CNTNAP5: variants seen among roughly 807,000 people sequenced by gnomAD.
CNTNAP5 encodes contactin-associated protein-like 5.
CNTNAP5 carries 72 observed loss-of-function variants against 150.2 expected under a neutral mutation model. The ratio of observed to expected loss-of-function variants is 0.48; its 90% CI spans 0.40 to 0.58. The LOEUF is 0.58. Ranked by LOEUF, CNTNAP5 falls within the 20% of genes least tolerant of loss-of-function variation. CNTNAP5 has a pLI of 0.00. For missense variants in CNTNAP5, 1,636 were observed against 1,626.2 expected, an observed-to-expected ratio of 1.01 and a Z score of -0.10; for synonymous variants, 672 against 619.8, an observed-to-expected ratio of 1.08 and a Z score of -1.25.
chr2:124,883,520 T>C (rs950383769), intron 21 of CNTNAP5, among the ~76,000 whole-genome samples: 10 of 152,100 alleles, frequency 6.6e-5, no homozygotes, highest in Non-Finnish European at 7.4e-5. Context: ...AGCTAAGCTT[T>C]CAGAGTTTAA....
At chr2:124,212,163 C>T (rs867317921) in intron 1 of CNTNAP5, among the ~76,000 whole-genome samples, 3 of 152,152 alleles carry the variant, frequency 2.0e-5, no homozygotes, top group Non-Finnish European at 2.9e-5. Context: ...AATATAAAGA[C>T]ATCATCTCTA....
intron 1 of CNTNAP5, among the ~76,000 whole-genome samples, chr2:124,044,524 A>G (rs973661289): frequency 6.6e-6 from 1 of 152,218 alleles, no homozygotes; most frequent in African/African-American, 2.4e-5. Flanking sequence ...CTGGTCTTAG[A>G]TATTGGTAAA....
At chr2:124,907,832 C>T (rs1219156740) in intron 22 of CNTNAP5, among the ~76,000 whole-genome samples, 2 of 149,976 alleles carry the variant, frequency 1.3e-5, no homozygotes, top group African/African-American at 4.9e-5. Context: ...CTTTTGTAGT[C>T]ATGTTACTGA....
At chr2:124,626,640 G>T (rs975955736) in intron 12 of CNTNAP5, among the ~76,000 whole-genome samples, 1 of 152,122 alleles carries the variant, frequency 6.6e-6, no homozygotes, top group African/African-American at 2.4e-5. Flanking sequence ...GTGGCTGTTC[G>T]AGCAGGCACT....
chr2:124,559,163 CTA>C (rs1233104897), intron 10 of CNTNAP5, among the ~76,000 whole-genome samples: 1 of 152,188 alleles, frequency 6.6e-6, no homozygotes, highest in African/African-American at 2.4e-5. Context: ...TTCACTTTAT[CTA>C]TTACCTGGAT....
chr2:124,527,818 G>T (rs1695010497), intron 10 of CNTNAP5, among the ~76,000 whole-genome samples: 1 of 152,278 alleles, frequency 6.6e-6, no homozygotes, highest in East Asian at 1.9e-4. Flanking sequence ...TGCTGTGGGT[G>T]TCCTTTCTAA....
chr2:124,261,829 C>A (rs1237437394), intron 3 of CNTNAP5, among the ~76,000 whole-genome samples: 1 of 152,172 alleles, frequency 6.6e-6, no homozygotes, highest in Admixed American at 6.5e-5. Context: ...GAAAAGGGTG[C>A]TGGTTCAACG....
chr2:124,191,890 C>T lies in CNTNAP5; in HGVS notation c.83-29815C>T, dbSNP rs558972489. ...CTCCAGCCTGGGCAACAGAGCGAGA[C>T]TCCATCTCTGAAAAAAAAAAAAGCA... On this transcript the variant is annotated intron_variant, in intron 1 of 23. Transcript: ENST00000682447. Among the ~76,000 whole-genome samples the T allele has an allele frequency of 8.6e-4, 130 of 151,406 alleles. 1 individual carries two copies. Among genetic ancestry groups the T allele is most frequent in the African/African-American group, 2.9e-3 (121 of 41,216 alleles).
chr2:124,442,260 G>A (rs992989845), intron 5 of CNTNAP5, among the ~76,000 whole-genome samples: 1 of 152,080 alleles, frequency 6.6e-6, no homozygotes, highest in East Asian at 1.9e-4. Context: ...TGAGATGGTG[G>A]TGATGATGGT....
At chr2:124,053,479 G>A (rs2104645137) in intron 1 of CNTNAP5, among the ~76,000 whole-genome samples, 1 of 152,298 alleles carries the variant, frequency 6.6e-6, no homozygotes, top group South Asian at 2.1e-4. Flanking sequence ...GAGACATGAG[G>A]CCCCATCTGG....
At chr2:124,084,854 C>G (rs566046142) in intron 1 of CNTNAP5, among the ~76,000 whole-genome samples, 1 of 150,256 alleles carries the variant, frequency 6.7e-6, no homozygotes, top group Admixed American at 6.6e-5. Flanking sequence ...TTGTATAATA[C>G]TCCAGTGAAA....
At chr2:124,150,030 C>G (rs1239236523) in intron 1 of CNTNAP5, among the ~76,000 whole-genome samples, 2 of 152,124 alleles carry the variant, frequency 1.3e-5, no homozygotes. Context: ...TCAAAAAAAT[C>G]TGGAACAATG....
chr2:124,323,478 TC>T (rs1386883660), intron 3 of CNTNAP5, among the ~76,000 whole-genome samples: 2 of 152,176 alleles, frequency 1.3e-5, no homozygotes, highest in Non-Finnish European at 2.9e-5. Context: ...TGCAAGGGAA[TC>T]AAGTGCAGCA....
chr2:124,624,227 G>T (rs1423513354), intron 12 of CNTNAP5, among the ~76,000 whole-genome samples: 2 of 152,166 alleles, frequency 1.3e-5, no homozygotes, highest in Admixed American at 6.5e-5. Flanking sequence ...TTAAAGCATT[G>T]TCACCTTTGA....
intron 19 of CNTNAP5, among the ~76,000 whole-genome samples, chr2:124,854,297 G>GA (rs1267439121): frequency 6.6e-6 from 1 of 152,148 alleles, no homozygotes; most frequent in Non-Finnish European, 1.5e-5. Context: ...TGACATAGTG[G>GA]AAAGGGCACA....
intron 11 of CNTNAP5, among the ~76,000 whole-genome samples, chr2:124,590,417 C>T (rs1463584976): frequency 1.3e-5 from 2 of 152,126 alleles, no homozygotes; most frequent in African/African-American, 4.8e-5. Flanking sequence ...ACCAAAAGAT[C>T]TATTTTCTAA....
At chr2:124,804,206 A>AGAGG (rs1278995990) in intron 19 of CNTNAP5, among the ~76,000 whole-genome samples, 1 of 152,176 alleles carries the variant, frequency 6.6e-6, no homozygotes, top group Non-Finnish European at 1.5e-5. Context: ...TGTGACCTCT[A>AGAGG]GAGGGCGATA....
intron 7 of CNTNAP5, among the ~76,000 whole-genome samples, chr2:124,480,660 A>G (rs1693742335): frequency 6.6e-6 from 1 of 152,188 alleles, no homozygotes; most frequent in African/African-American, 2.4e-5. Flanking sequence ...TTCCGGGATC[A>G]TGTTTCATCT....
rs150923816 is a variant in CNTNAP5 at position 124,107,723 on chromosome 2, G to A, written c.82+81991G>A. On this transcript the variant is annotated intron_variant, in intron 1 of 23. Coordinates refer to ENST00000682447, the MANE Select transcript of CNTNAP5 (RefSeq NM_001367498.1). ...TGTGAACCCAAAATATCTGAGACAG[G>A]TCTTTACCAATTTAGAAAGTTTATT... Among the ~76,000 whole-genome samples, 369 of 152,296 alleles carry A rather than the reference G, an allele frequency of 2.4e-3. 5 individuals carry two copies. Among genetic ancestry groups the A allele is most frequent in the Middle Eastern group, 0.02 (6 of 294 alleles).
Sources: gnomAD v4.1 joint callset for allele counts (sites outside exome capture counted in the v4.1 genomes callset) on GRCh38, gnomAD v4.1.1 for gene constraint, MANE v1.5 for transcripts, NCBI Gene and HGNC (gene_info 2026-07-23, HGNC 2026-07-21) for gene names.